The following NRP2 variants were observed in gnomAD, a reference collection of about 807,000 sequenced individuals.
The protein encoded by NRP2 is neuropilin-2.
A neutral mutation model predicts 110.4 loss-of-function variants in NRP2; 52 were observed. That is an observed-to-expected ratio of 0.47 (90% CI 0.38 to 0.59). The LOEUF (loss-of-function observed/expected upper bound fraction) is 0.59, where lower values mean the gene tolerates loss of function less well. Among genes scored for constraint, NRP2 ranks in the 20% least tolerant of loss-of-function variants. The pLI is 0.00. For missense variants in NRP2, 1,049 were observed against 1,203.0 expected (o/e 0.87, Z 1.89); for synonymous variants, 508 against 468.9 (o/e 1.08, Z -1.08).
At chr2:205,721,313 A>T (rs976585140) in intron 3 of NRP2, among the ~76,000 whole-genome samples, 1 of 152,176 alleles carries the variant, frequency 6.6e-6, no homozygotes, top group Non-Finnish European at 1.5e-5. Flanking sequence ...TTTTATGCTT[A>T]GAGTGTCTAT....
chr2:205,767,081 C>T (rs912913909), intron 15 of NRP2: 5 of 502,320 alleles, frequency 1.0e-5, no homozygotes, highest in African/African-American at 9.9e-5. Flanking sequence ...CATTGTCCAA[C>T]GGGGAGCAAT....
chr2:205,756,477 A>G lies in NRP2; in HGVS notation c.2044+3502A>G, dbSNP rs955925159. ...AGCTGCAGCATTGAATATTGTAGCC[A>G]TGAGCCATGTGTGGCAATTTTATTT... On this transcript the variant is annotated intron_variant, in intron 12 of 16. Coordinates refer to ENST00000357785, the MANE Select transcript of NRP2 (RefSeq NM_003872.3). 2.0e-5 allele frequency: 3 copies of G among 152,240 alleles called. No homozygotes were observed. In the East Asian group the frequency reaches 5.8e-4, roughly 29 times the overall value. 9.4% of individuals were successfully genotyped at this position (152,240 alleles called of 1,614,324 possible). A position where few individuals can be genotyped will look rare whatever the true frequency, so the allele number is the denominator to read the frequency against.
At chr2:205,709,329 T>C (rs997239119) in intron 2 of NRP2, among the ~76,000 whole-genome samples, 4 of 152,180 alleles carry the variant, frequency 2.6e-5, no homozygotes, top group Admixed American at 6.5e-5. Flanking sequence ...GTAACTCTTC[T>C]CTTCTCCACA....
At chr2:205,776,535 G>A (rs1367386957) in intron 15 of NRP2, 1 of 1,602,466 alleles carries the variant, frequency 6.2e-7, no homozygotes, top group Non-Finnish European at 8.5e-7. Context: ...GAGGGCCGAA[G>A]CAAGAACAGC....
Position 205,766,781 on chromosome 2 carries a change from A to G in NRP2, c.2405-2A>G, listed in dbSNP as rs2057926396. The G allele has an allele frequency of 1.9e-6, 3 of 1,613,110 alleles. No individual in the cohort carries two copies. Among genetic ancestry groups the G allele is most frequent in the African/African-American group, 2.7e-5 (2 of 74,902 alleles). On this transcript the variant is annotated splice_acceptor_variant, in intron 14 of 16. Coordinates refer to ENST00000357785, the MANE Select transcript of NRP2 (RefSeq NM_003872.3). LOFTEE classifies it high-confidence loss of function. Reference sequence around the variant, plus strand: ...GTCCAATTTTTTGTTTGTTTTTTTCAGAACCCATCTCGGCTTTTGCAGGTG... The same window carrying G: ...GTCCAATTTTTTGTTTGTTTTTTTCGGAACCCATCTCGGCTTTTGCAGGTG...
Position 205,713,269 on chromosome 2 carries a change from C to G in NRP2, c.252-2924C>G, listed in dbSNP as rs146287133. On this transcript the variant is annotated intron_variant, in intron 2 of 16. Coordinates refer to ENST00000357785, the MANE Select transcript of NRP2 (RefSeq NM_003872.3). The stretch of plus-strand genomic sequence containing the variant: ...GTCCTTCCTAGAGAAATTGGCAACA[C>G]AAAGACTGGAACTATCTGGTGAAGC... Among the ~76,000 whole-genome samples the G allele has an allele frequency of 4.6e-5, 7 of 152,258 alleles. No individual in the cohort carries two copies. In the East Asian group the frequency reaches 1.2e-3, roughly 25 times the overall value.
At chr2:205,734,401 C>A (rs559883735) in intron 7 of NRP2, among the ~76,000 whole-genome samples, 1 of 135,174 alleles carries the variant, frequency 7.4e-6, no homozygotes, top group African/African-American at 2.9e-5. Flanking sequence ...TTCCCACCGC[C>A]CCCCCCCACC....
At chr2:205,755,120 G>C (rs185575078) in intron 12 of NRP2, among the ~76,000 whole-genome samples, 1 of 152,036 alleles carries the variant, frequency 6.6e-6, no homozygotes, top group African/African-American at 2.4e-5. Flanking sequence ...CCTCCTCCTC[G>C]TCCAGTCCTG....
Position 205,797,573 on chromosome 2 carries a change from C to G in NRP2, c.*2515C>G, listed in dbSNP as rs15994. The G allele has an allele frequency of 0.33, 50,096 of 152,418 alleles. 8,920 individuals carry two copies. The highest frequency in any genetic ancestry group is 0.58 in the South Asian group (2,802 of 4,816). The allele number at this position is 152,418 out of a possible 1,614,324, so 9.4% of individuals were successfully genotyped here. A position where few individuals can be genotyped will look rare whatever the true frequency, so the allele number is the denominator to read the frequency against. ...GAATGCTAAAAAGAAGCAGGGTACG[C>G]AGGGCTACATGTAGATACCACACCA... is the stretch of plus-strand genomic sequence containing the variant. On this transcript the variant is annotated 3_prime_UTR_variant, in exon 17 of 17. Transcript: ENST00000357785.
rs150505480 is a variant in NRP2 at position 205,694,326 on chromosome 2, A to ATCTG, written c.74-3217_74-3214dup. ...TAGTGTTCTCTTTATTTCCAATTAC[A>ATCTG]TCTGGAGCTGTCACTTTATTCCTTT... is the stretch of plus-strand genomic sequence containing the variant. On this transcript the variant is annotated intron_variant, in intron 1 of 16. Transcript: ENST00000357785. 4.1e-3 allele frequency among the ~76,000 whole-genome samples: 623 copies of ATCTG among 152,308 alleles called. 3 individuals are homozygous for ATCTG. Among genetic ancestry groups the ATCTG allele is most frequent in the African/African-American group, 0.013 (546 of 41,566 alleles).
At chr2:205,724,852 A>G (rs2057097055) in intron 5 of NRP2, among the ~76,000 whole-genome samples, 1 of 151,966 alleles carries the variant, frequency 6.6e-6, no homozygotes, top group African/African-American at 2.4e-5. Context: ...TTTTTAGCAG[A>G]GGTGGGGTTT....
At chr2:205,791,947 T>C (rs1271747391) in intron 15 of NRP2, among the ~76,000 whole-genome samples, 1 of 152,174 alleles carries the variant, frequency 6.6e-6, no homozygotes, top group Non-Finnish European at 1.5e-5. Flanking sequence ...GAAACCTGTG[T>C]TCCTAATGAA....
intron 4 of NRP2, among the ~76,000 whole-genome samples, 161 bp downstream of exon 4, chr2:205,722,869 G>T (rs1391901141): frequency 1.3e-5 from 2 of 152,234 alleles, no homozygotes; most frequent in East Asian, 1.9e-4. Flanking sequence ...TAGCTTGAGA[G>T]AAATTACAGG....
At chr2:205,696,606 C>T (rs1013655722) in intron 1 of NRP2, among the ~76,000 whole-genome samples, 1 of 152,220 alleles carries the variant, frequency 6.6e-6, no homozygotes, top group African/African-American at 2.4e-5. Context: ...CCTTTGGAGC[C>T]TTTGAAGGTG....
At chr2:205,759,763 A>G (rs868760750) in intron 12 of NRP2, 3 of 152,176 alleles carry the variant, frequency 2.0e-5, no homozygotes, top group African/African-American at 4.8e-5. Flanking sequence ...GTTTCCTAGT[A>G]AAATAAAGGC....
rs141782115 is a variant in NRP2, at chr2:205,723,906, G to C, written c.786G>C (p.Ala262=). The stretch of plus-strand genomic sequence containing the variant: ...CGGTGGCCAAGGATGGCTTCTCTGC[G>C]CGTTACTACCTGGTCCACCAAGAGC... ...DMAVAKDGFS[A]RYYLVHQEPL... Residue 262 remains alanine, a synonymous_variant, in exon 5 of 17, where the codon GCG becomes GCC. Coordinates refer to ENST00000357785, the MANE Select transcript of NRP2 (RefSeq NM_003872.3). 6.2e-7 allele frequency: 1 copy of C among 1,614,150 alleles called. No homozygotes were observed. The highest frequency in any genetic ancestry group is 8.5e-7 in the Non-Finnish European group (1 of 1,180,016).
intron 11 of NRP2, 45 bp from the exon 12 acceptor site, chr2:205,752,790 C>A (rs1437246052): frequency 1.9e-5 from 31 of 1,609,972 alleles, no homozygotes; most frequent in Non-Finnish European, 2.5e-5. Context: ...GTTCTCTGAA[C>A]CCATTTCATT....
chr2:205,767,635 A>G (rs915082427), intron 15 of NRP2: 8 of 270,596 alleles, frequency 3.0e-5, no homozygotes, highest in African/African-American at 1.8e-4. Flanking sequence ...GTGCTGTTAC[A>G]ATGCAGCAGA....
At chr2:205,723,290 G>A (rs1414725395) in intron 4 of NRP2, among the ~76,000 whole-genome samples, 1 of 152,246 alleles carries the variant, frequency 6.6e-6, no homozygotes, top group Admixed American at 6.5e-5. Flanking sequence ...TAGTATTGGA[G>A]AGGAACAAAT....
Sources: allele counts gnomAD v4.1 joint callset (sites outside exome capture counted in the v4.1 genomes callset), GRCh38; gene constraint gnomAD v4.1.1; transcripts MANE v1.5; gene names NCBI Gene and HGNC (gene_info 2026-07-23, HGNC 2026-07-21).